DNAH7: variants seen among roughly 807,000 people sequenced by gnomAD.
DNAH7 encodes the protein dynein axonemal heavy chain 7, also known as axonemal beta dynein heavy chain 7.
DNAH7 carries 397 observed loss-of-function variants against 444.6 expected under a neutral mutation model. That is an observed-to-expected ratio of 0.89 (90% CI 0.82 to 0.97). The LOEUF is 0.97. Among genes scored for constraint, DNAH7 ranks in the 50% least tolerant of loss-of-function variants. The probability of loss-of-function intolerance (pLI) is 0.00; values close to 1 mark genes in which losing one functional copy is unlikely to be tolerated. For synonymous variants in DNAH7, 1,636 were observed against 1,624.4 expected, an observed-to-expected ratio of 1.01 and a Z score of -0.17; for missense variants, 4,902 against 4,800.8, an observed-to-expected ratio of 1.02 and a Z score of -0.62.
Position 195,784,708 on chromosome 2 carries a change from A to G in DNAH7, c.10878+2302T>C, listed in dbSNP as rs555990025. ...CATAGTGGCTGTACCCACACCAGCA[A>G]TTAATGAGAGTTCCTGCTGCTCCAC... On this transcript the variant is annotated intron_variant, in intron 58 of 64. Coordinates refer to ENST00000312428, the MANE Select transcript of DNAH7 (RefSeq NM_018897.3). 2.6e-5 allele frequency among the ~76,000 whole-genome samples: 4 copies of G among 152,328 alleles called. No individual in the cohort carries two copies. The South Asian group carries it at 8.3e-4, about 32-fold the overall frequency.
In DNAH7 at chr2:195,933,943, C is replaced by T. The variant is rs536573440; in HGVS notation, c.3471+648G>A. Among the ~76,000 whole-genome samples, 28 of 152,084 alleles carry T rather than the reference C, an allele frequency of 1.8e-4. No homozygotes were observed. The East Asian group carries it at 3.3e-3, about 18-fold the overall frequency. ...ATTTAAAATTAATTAATTAGTTATACTCCCTTCTGTTCCTTTGCTCCATCA... is the reference window on the plus strand; with the variant it reads ...ATTTAAAATTAATTAATTAGTTATATTCCCTTCTGTTCCTTTGCTCCATCA... On this transcript the variant is annotated intron_variant, in intron 21 of 64. Transcript: ENST00000312428.
At chr2:196,057,038 C>T (rs1314574172) in intron 2 of DNAH7, among the ~76,000 whole-genome samples, 2 of 152,112 alleles carry the variant, frequency 1.3e-5, no homozygotes, top group East Asian at 3.9e-4. Flanking sequence ...CCTCTAGAAG[C>T]CCGAAGGTCC....
chr2:195,920,423 C>T (rs1687953435), intron 24 of DNAH7, among the ~76,000 whole-genome samples: 1 of 152,086 alleles, frequency 6.6e-6, no homozygotes, highest in South Asian at 2.1e-4. Flanking sequence ...CCAAATACTT[C>T]CAGCCAACTG....
At chr2:195,851,011 T>C (rs1394087258) in intron 46 of DNAH7, among the ~76,000 whole-genome samples, 4 of 152,182 alleles carry the variant, frequency 2.6e-5, no homozygotes, top group Non-Finnish European at 5.9e-5. Context: ...AGGCACTTCT[T>C]GCTCTCCAAA....
At chr2:195,767,780 T>G (rs532578032) in intron 61 of DNAH7, among the ~76,000 whole-genome samples, 18 of 151,996 alleles carry the variant, frequency 1.2e-4, no homozygotes, top group African/African-American at 4.3e-4. Context: ...ACACAGGACA[T>G]TTTATAAAAT....
chr2:195,784,699 A>G (rs754547483), intron 58 of DNAH7, among the ~76,000 whole-genome samples: 68 of 152,290 alleles, frequency 4.5e-4, no homozygotes, highest in Non-Finnish European at 9.1e-4. Context: ...GGCTGTACCC[A>G]CACCAGCAAT....
At position 195,886,186 on chromosome 2, in the gene DNAH7, G is replaced by C; in HGVS notation, c.5493C>G (p.Val1831=). 1 of 1,613,820 alleles carries C rather than the reference G, an allele frequency of 6.2e-7. No individual in the cohort carries two copies. ...CTCGATCATTTCTCTCCTTTAGTTT[G>C]ACTTCATCAGCAAAATCATCCATAA... The part of the protein sequence containing the change: ...DCFMDDFADE[V]KLKERNDRET... Residue 1831 remains valine (V), a synonymous_variant, in exon 34 of 65, where the codon GTC becomes GTG. Transcript: ENST00000312428.
rs1695727464 is a variant in DNAH7 at position 196,026,937 on chromosome 2, A to G, written c.490T>C (p.Tyr164His). 2 of 1,580,848 alleles carry G rather than the reference A, an allele frequency of 1.3e-6. No homozygotes were observed. The highest frequency in any genetic ancestry group is 3.6e-5 in the Admixed American group (2 of 55,540). ...ATTCCATGGTGAATATAATAGTAAT[A>G]TCTCTACAAAAAGAAGATAGGAAAA... The part of the protein sequence containing the change: ...ASAIEKDILR[Y>H]YYYIHHGIDT... The change falls in exon 7 of 65, where the codon TAT becomes CAT. Residue 164 changes from tyrosine to histidine, a missense_variant. Coordinates refer to ENST00000312428, the MANE Select transcript of DNAH7 (RefSeq NM_018897.3).
intron 12 of DNAH7, among the ~76,000 whole-genome samples, chr2:195,997,146 C>G (rs1338735908): frequency 6.6e-6 from 1 of 152,164 alleles, no homozygotes; most frequent in Non-Finnish European, 1.5e-5. Context: ...AATAGCCTAT[C>G]TAATTTGTAA....
At chr2:195,812,461 T>A (rs188477114) in intron 51 of DNAH7, among the ~76,000 whole-genome samples, 1 of 152,186 alleles carries the variant, frequency 6.6e-6, no homozygotes, top group Non-Finnish European at 1.5e-5. Flanking sequence ...CATATCCTAG[T>A]TAGATTTGGT....
intron 37 of DNAH7, among the ~76,000 whole-genome samples, chr2:195,876,307 G>A (rs1489483274): frequency 6.6e-6 from 1 of 152,178 alleles, no homozygotes; most frequent in Non-Finnish European, 1.5e-5. Flanking sequence ...TAGGAAGGTA[G>A]ATAATTTCTC....
At chr2:195,821,172 A>AG (rs924983525) in intron 49 of DNAH7, among the ~76,000 whole-genome samples, 11 of 151,946 alleles carry the variant, frequency 7.2e-5, no homozygotes, top group African/African-American at 1.9e-4. Context: ...AAAAAAAAAA[A>AG]AAGAAGAAGA....
At chr2:195,758,120 G>A (rs1254052958) in intron 61 of DNAH7, among the ~76,000 whole-genome samples, 2 of 152,228 alleles carry the variant, frequency 1.3e-5, no homozygotes, top group Non-Finnish European at 2.9e-5. Flanking sequence ...AGAAGAAGCA[G>A]GTCAAGAAGA....
rs746010571 is a variant in DNAH7, at chr2:195,857,731, TAAC to T, written c.8068-11_8068-9del. On this transcript the variant is annotated splice_polypyrimidine_tract_variant and intron_variant, in intron 43 of 64. Transcript: ENST00000312428. ...TTTTACCACTGTAATATCCTTGAAA[TAAC>T]AACGTTAATTATTTTAAAAGACATG... 3 of 1,560,374 alleles carry T rather than the reference TAAC, an allele frequency of 1.9e-6. No individual in the cohort carries two copies. The highest frequency in any genetic ancestry group is 4.1e-5 in the Admixed American group (2 of 49,144).
chr2:196,068,758 G>A lies in DNAH7; in HGVS notation c.-47C>T. ...TCACCGGTGCTTCTGGGTTGCTCCT[G>A]CCCGCGGAACCCCTAGGACGATAGA... On this transcript the variant is annotated 5_prime_UTR_variant, in exon 1 of 65. Transcript: ENST00000312428. 9 of 1,548,880 alleles carry A rather than the reference G, an allele frequency of 5.8e-6. No individual in the cohort carries two copies. The highest frequency in any genetic ancestry group is 7.9e-6 in the Non-Finnish European group (9 of 1,146,390).
intron 19 of DNAH7, among the ~76,000 whole-genome samples, chr2:195,950,446 G>C (rs1690143819): frequency 6.6e-6 from 1 of 152,120 alleles, no homozygotes; most frequent in African/African-American, 2.4e-5. Context: ...TGTGGGGCCG[G>C]TGGTGATATC....
intron 51 of DNAH7, among the ~76,000 whole-genome samples, chr2:195,814,066 A>G (rs1461079998): frequency 6.6e-6 from 1 of 152,180 alleles, no homozygotes; most frequent in African/African-American, 2.4e-5. Flanking sequence ...AGTGATCAGG[A>G]GGGGACACTT....
chr2:195,882,580 T>C (rs1381603661), intron 35 of DNAH7, among the ~76,000 whole-genome samples: 2 of 152,342 alleles, frequency 1.3e-5, no homozygotes, highest in East Asian at 3.9e-4. Flanking sequence ...CAAGATTTCT[T>C]AATATGAGAT....
rs759472244 is a variant in DNAH7, at chr2:195,864,854, G to C, written c.6801C>G (p.Ser2267Arg). Residue 2267 changes from serine to arginine, a missense_variant, in exon 41 of 65, where the codon AGC becomes AGG. Transcript: ENST00000312428. Reference protein sequence around the residue: ...DGMVEADDLRSLMFCDFHDPK... With the variant: ...DGMVEADDLRRLMFCDFHDPK... ...GATCATGGAAATCACAAAACATTAA[G>C]CTGCGTAAGTCATCTGCTTCCACCA... 5 of 1,614,098 alleles carry C rather than the reference G, an allele frequency of 3.1e-6. No individual in the cohort carries two copies. The South Asian group carries it at 5.5e-5, about 18-fold the overall frequency.
Sources: allele counts gnomAD v4.1 joint callset (sites outside exome capture counted in the v4.1 genomes callset), GRCh38; gene constraint gnomAD v4.1.1; transcripts MANE v1.5; gene names NCBI Gene and HGNC (gene_info 2026-07-23, HGNC 2026-07-21).